NHLRC2: variants seen among roughly 807,000 people sequenced by gnomAD.
NHLRC2 encodes NHL repeat-containing protein 2.
Under a neutral mutation model 68.1 loss-of-function variants are expected in NHLRC2, and 33 were observed. The ratio of observed to expected loss-of-function variants is 0.48; its 90% CI spans 0.37 to 0.65. The LOEUF is 0.65. NHLRC2 is among the 30% of genes least tolerant of loss of function. The pLI is 0.00. For missense variants in NHLRC2, 761 were observed against 853.8 expected (o/e 0.89, Z 1.35); for synonymous variants, 311 against 309.6 (o/e 1.00, Z -0.05).
chr10:113,888,119 A>G (rs190870102), intron 5 of NHLRC2, among the ~76,000 whole-genome samples: 1 of 152,320 alleles, frequency 6.6e-6, no homozygotes, highest in African/African-American at 2.4e-5. Context: ...AGAAAATCTC[A>G]GAAAAAGAAC....
intron 5 of NHLRC2, among the ~76,000 whole-genome samples, chr10:113,884,781 A>G (rs1017867571): frequency 4.6e-5 from 7 of 151,550 alleles, no homozygotes; most frequent in Non-Finnish European, 8.9e-5. Flanking sequence ...TAGTGTCATT[A>G]TATACTCTAG....
Position 113,904,976 on chromosome 10 carries a change from C to A in NHLRC2, c.1864C>A (p.Leu622Ile). 1 of 1,559,966 alleles carries A rather than the reference C, an allele frequency of 6.4e-7. No individual in the cohort carries two copies. Among genetic ancestry groups the A allele is most frequent in the South Asian group, 1.2e-5 (1 of 81,916 alleles). ...TCTTCAGTTCAAACTCAGATTAGAC[C>A]TCCCATCAGGATCAAAGCTAACTGA... ...QTLQFKLRLD[L>I]PSGSKLTEGV... Residue 622 changes from leucine to isoleucine, a missense_variant, in exon 10 of 11, where the codon CTC (leucine) becomes ATC (isoleucine). Transcript: ENST00000369301.
chr10:113,861,526 A>G (rs1259323149), intron 2 of NHLRC2, among the ~76,000 whole-genome samples: 1 of 152,248 alleles, frequency 6.6e-6, no homozygotes, highest in Non-Finnish European at 1.5e-5. Flanking sequence ...CTAAAGGAAC[A>G]AAACTGTCAA....
intron 5 of NHLRC2, among the ~76,000 whole-genome samples, chr10:113,897,657 G>T (rs1226187767): frequency 1.3e-5 from 2 of 152,164 alleles, no homozygotes. Flanking sequence ...AAACATTGTG[G>T]TATGCTAAAA....
Position 113,897,363 on chromosome 10 carries a change from A to C in NHLRC2, c.1040-747A>C, listed in dbSNP as rs190315397. Among the ~76,000 whole-genome samples the C allele has an allele frequency of 2.4e-4, 37 of 152,294 alleles. 1 individual carries two copies. The highest frequency in any genetic ancestry group is 2.3e-3 in the Admixed American group (35 of 15,296). On this transcript the variant is annotated intron_variant, in intron 5 of 10. Transcript: ENST00000369301. ...AATTAATGAACTTCTTAAGTGGAAG[A>C]GGTTGTATTATACTTTTTACCCTCT...
chr10:113,859,309 TAAAA>T (rs1002843761), intron 2 of NHLRC2, among the ~76,000 whole-genome samples: 1 of 151,990 alleles, frequency 6.6e-6, no homozygotes, highest in African/African-American at 2.4e-5. Flanking sequence ...GTCTACTTTC[TAAAA>T]AAAGAACATG....
chr10:113,902,537 G>A lies in NHLRC2; in HGVS notation c.1438G>A (p.Val480Ile). The change falls in exon 8 of 11, where the codon GTA becomes ATA. Residue 480 changes from valine (V) to isoleucine (I), a missense_variant. Transcript: ENST00000369301. ...INAKLQHPLG[V>I]TWDKKRNLLY... Reference sequence around the variant, plus strand: ...TGCAAAGCTTCAACACCCCCTTGGAGTAACATGGGACAAAAAAAGGAATTT... The same window carrying A: ...TGCAAAGCTTCAACACCCCCTTGGAATAACATGGGACAAAAAAAGGAATTT... 6.2e-7 allele frequency: 1 copy of A among 1,606,632 alleles called. No homozygotes were observed. Among genetic ancestry groups the A allele is most frequent in the South Asian group, 1.1e-5 (1 of 90,346 alleles).
chr10:113,897,923 C>T (rs564942042), intron 5 of NHLRC2, among the ~76,000 whole-genome samples, 187 bp from the exon 6 acceptor site: 1 of 152,222 alleles, frequency 6.6e-6, no homozygotes, highest in East Asian at 1.9e-4. Context: ...AATTACAAGT[C>T]TAACAAAGTA....
intron 4 of NHLRC2, among the ~76,000 whole-genome samples, chr10:113,883,826 C>G (rs1421330444): frequency 1.3e-5 from 2 of 151,944 alleles, no homozygotes. Flanking sequence ...GGTTGGCTTG[C>G]TCACTATTGG....
At position 113,854,698 on chromosome 10, in the gene NHLRC2, C is replaced by A; in HGVS notation, c.-175C>A. 1 of 580,116 alleles carries A rather than the reference C, an allele frequency of 1.7e-6. No homozygotes were observed. The highest frequency in any genetic ancestry group is 3.0e-6 in the Non-Finnish European group (1 of 333,764). The allele number at this position is 580,116 out of a possible 1,614,324, so 35.9% of individuals were successfully genotyped here. On this transcript the variant is annotated 5_prime_UTR_variant, in exon 1 of 11. Coordinates refer to ENST00000369301, the MANE Select transcript of NHLRC2 (RefSeq NM_198514.4). ...TCCCCGGGAACTGCGCCGATTTGGA[C>A]TTTTGGCACTTGGACCTATGCTTTA...
chr10:113,899,227 C>T (rs920541895), intron 6 of NHLRC2, among the ~76,000 whole-genome samples: 6 of 152,098 alleles, frequency 3.9e-5, no homozygotes, highest in African/African-American at 1.4e-4. Flanking sequence ...TTTTCTGTCC[C>T]TTGTACCTAG....
At chr10:113,901,981 A>G (rs1589548552) in intron 7 of NHLRC2, 84 bp downstream of exon 7, 1 of 958,756 alleles carries the variant, frequency 1.0e-6, no homozygotes, top group East Asian at 2.4e-5. Flanking sequence ...AATAAGATTT[A>G]AGAGAGACCA....
chr10:113,858,849 A>T, intron 2 of NHLRC2, 169 bp downstream of exon 2: 1 of 452,726 alleles, frequency 2.2e-6, no homozygotes, highest in Non-Finnish European at 3.9e-6. Context: ...ATAAAGGATT[A>T]AGCTTAGTGA....
chr10:113,897,383 C>A (rs1304165024), intron 5 of NHLRC2, among the ~76,000 whole-genome samples: 1 of 152,040 alleles, frequency 6.6e-6, no homozygotes, highest in Admixed American at 6.6e-5. Context: ...ATACTTTTTA[C>A]CCTCTATGGT....
intron 3 of NHLRC2, among the ~76,000 whole-genome samples, chr10:113,879,038 ACTCT>A (rs1846012050): frequency 6.6e-6 from 1 of 152,084 alleles, no homozygotes; most frequent in Non-Finnish European, 1.5e-5. Flanking sequence ...GACTAGAATC[ACTCT>A]CTCTTACAGT....
chr10:113,895,329 TGAATAAAACAAAGCTGCTGGCCTCTTA>T (rs1846167114), intron 5 of NHLRC2, among the ~76,000 whole-genome samples: 1 of 152,180 alleles, frequency 6.6e-6, no homozygotes, highest in African/African-American at 2.4e-5. Context: ...AATAAAACTG[TGAATAAAACAAAGCTGCTGGCCTCTTA>T]GACCTTATGC....
intron 2 of NHLRC2, among the ~76,000 whole-genome samples, chr10:113,871,361 G>A (rs1414490193): frequency 6.6e-6 from 1 of 152,036 alleles, no homozygotes; most frequent in South Asian, 2.1e-4. Flanking sequence ...TTATAATTGA[G>A]TCTCTGGACT....
intron 1 of NHLRC2, among the ~76,000 whole-genome samples, chr10:113,857,219 A>G (rs986092522): frequency 3.9e-5 from 6 of 152,138 alleles, no homozygotes; most frequent in Non-Finnish European, 8.8e-5. Flanking sequence ...CATTCTTTCT[A>G]TACCCCCTGA....
At position 113,905,048 on chromosome 10, in the gene NHLRC2, AG is replaced by A; in HGVS notation, c.1924+13del. On this transcript the variant is annotated intron_variant, in intron 10 of 10. Transcript: ENST00000369301. ...TCTAACAGCTGAAGGTATGAGTATA[AG>A]CTTGCAAATACTAATACATCATATA... 2 of 1,337,426 alleles carry A rather than the reference AG, an allele frequency of 1.5e-6. No individual in the cohort carries two copies. Among genetic ancestry groups the A allele is most frequent in the Non-Finnish European group, 2.1e-6 (2 of 975,468 alleles). The allele number at this position is 1,337,426 out of a possible 1,614,324, so 82.8% of individuals were successfully genotyped here.
Sources: gnomAD v4.1 joint callset for allele counts (sites outside exome capture counted in the v4.1 genomes callset) on GRCh38, gnomAD v4.1.1 for gene constraint, MANE v1.5 for transcripts, NCBI Gene and HGNC (gene_info 2026-07-23, HGNC 2026-07-21) for gene names.